Variants in PIP5K1B observed in about 807,000 individuals in gnomAD.
The protein encoded by PIP5K1B is phosphatidylinositol-4-phosphate 5-kinase type 1 beta, also known as phosphatidylinositol 4-phosphate 5-kinase type-1 beta.
Under a neutral mutation model 67.0 loss-of-function variants are expected in PIP5K1B, and 42 were observed. The observed-to-expected ratio is 0.63, with a 90% confidence interval of 0.49 to 0.81. PIP5K1B has a LOEUF of 0.81. Ranked by LOEUF, PIP5K1B falls within the 30% of genes least tolerant of loss-of-function variation. PIP5K1B has a pLI of 0.00. For synonymous variants in PIP5K1B, 214 were observed against 231.4 expected (o/e 0.92, Z 0.68); for missense variants, 459 against 646.3 (o/e 0.71, Z 3.14).
chr9:68,771,070 C>T (rs1392734343), intron 2 of PIP5K1B, among the ~76,000 whole-genome samples: 2 of 152,152 alleles, frequency 1.3e-5, no homozygotes, highest in Non-Finnish European at 2.9e-5. Flanking sequence ...CATTAGGGAG[C>T]AATCCTTACA....
intron 14 of PIP5K1B, among the ~76,000 whole-genome samples, chr9:68,987,842 C>T (rs1381677444): frequency 1.3e-5 from 2 of 152,150 alleles, no homozygotes; most frequent in Admixed American, 1.3e-4. Flanking sequence ...ACCATGAGAA[C>T]AGCACGGGGG....
At chr9:68,985,803 G>A (rs1043496743) in intron 14 of PIP5K1B, among the ~76,000 whole-genome samples, 14 of 152,214 alleles carry the variant, frequency 9.2e-5, no homozygotes, top group South Asian at 6.2e-4. Flanking sequence ...ACATGAGTCT[G>A]CTTTTCTGTC....
chr9:68,870,113 C>T (rs746870659), intron 5 of PIP5K1B, among the ~76,000 whole-genome samples: 6 of 152,228 alleles, frequency 3.9e-5, no homozygotes, highest in Non-Finnish European at 7.3e-5. Context: ...ATTGCATGCA[C>T]TGGATATTAT....
rs111612731 is a variant in PIP5K1B at position 69,000,211 on chromosome 9, A to G, written c.1621-8236A>G. On this transcript the variant is annotated intron_variant, in intron 15 of 15. Coordinates refer to ENST00000265382, the MANE Select transcript of PIP5K1B (RefSeq NM_003558.4). ...TTCTACTGTTTAGGCAGCAATTTTA[A>G]CAAAGTATCAACAAATCTGGGGTGG... Among the ~76,000 whole-genome samples, 1,125 of 152,284 alleles carry G rather than the reference A, an allele frequency of 7.4e-3. 10 individuals carry two copies. Among genetic ancestry groups the G allele is most frequent in the African/African-American group, 0.026 (1,068 of 41,540 alleles).
At chr9:68,896,179 G>A (rs1176064947) in intron 8 of PIP5K1B, among the ~76,000 whole-genome samples, 2 of 152,162 alleles carry the variant, frequency 1.3e-5, no homozygotes, top group Non-Finnish European at 1.5e-5. Flanking sequence ...TCTTTTTCCT[G>A]TGTTTTTTCT....
intron 12 of PIP5K1B, among the ~76,000 whole-genome samples, chr9:68,925,976 A>G (rs966751021): frequency 2.0e-5 from 3 of 151,318 alleles, no homozygotes; most frequent in African/African-American, 4.9e-5. Context: ...TTTTGCTTTT[A>G]GTAAAGATGG....
At chr9:68,820,374 A>G (rs1833676449) in intron 3 of PIP5K1B, among the ~76,000 whole-genome samples, 1 of 152,220 alleles carries the variant, frequency 6.6e-6, no homozygotes, top group Non-Finnish European at 1.5e-5. Context: ...CTGTCCTGGA[A>G]GACTCTATTC....
At chr9:68,722,997 C>T (rs1407034622) in intron 1 of PIP5K1B, among the ~76,000 whole-genome samples, 2 of 152,182 alleles carry the variant, frequency 1.3e-5, no homozygotes, top group Non-Finnish European at 2.9e-5. Flanking sequence ...TTATTCTCTA[C>T]CTCCATGAAA....
intron 14 of PIP5K1B, among the ~76,000 whole-genome samples, chr9:68,942,264 A>C (rs1222487949): frequency 6.6e-6 from 1 of 152,216 alleles, no homozygotes; most frequent in Admixed American, 6.5e-5. Flanking sequence ...TATAAATAGC[A>C]GCTCAAAAGA....
At position 68,748,938 on chromosome 9, in the gene PIP5K1B, T is replaced by C. The variant is rs548535783; in HGVS notation, c.-86+6281T>C. The stretch of plus-strand genomic sequence containing the variant: ...GGTTTCAGATCTTTTCTCCAGCCTC[T>C]GTAGGTGACAATGTATAAAGAAAAA... On this transcript the variant is annotated intron_variant, in intron 2 of 15. Coordinates refer to ENST00000265382, the MANE Select transcript of PIP5K1B (RefSeq NM_003558.4). 3.9e-5 allele frequency among the ~76,000 whole-genome samples: 6 copies of C among 152,260 alleles called. No homozygotes were observed. The South Asian group carries it at 1.0e-3, about 26-fold the overall frequency.
intron 8 of PIP5K1B, among the ~76,000 whole-genome samples, chr9:68,907,648 G>A (rs976313894): frequency 6.6e-6 from 1 of 152,076 alleles, no homozygotes; most frequent in Non-Finnish European, 1.5e-5. Flanking sequence ...CAATCCTAGA[G>A]CATGGATCAG....
At chr9:68,852,553 C>T (rs956082061) in intron 4 of PIP5K1B, among the ~76,000 whole-genome samples, 5 of 152,154 alleles carry the variant, frequency 3.3e-5, no homozygotes, top group Admixed American at 6.5e-5. Flanking sequence ...CATGGTGTCC[C>T]ATTGGCCAAA....
chr9:68,899,084 C>G (rs1428304045), intron 8 of PIP5K1B, among the ~76,000 whole-genome samples: 1 of 152,204 alleles, frequency 6.6e-6, no homozygotes, highest in Non-Finnish European at 1.5e-5. Context: ...TCTCTCTCCC[C>G]TCTCCTCTGA....
chr9:68,905,783 G>T (rs1825579492), intron 8 of PIP5K1B, among the ~76,000 whole-genome samples: 1 of 152,162 alleles, frequency 6.6e-6, no homozygotes, highest in South Asian at 2.1e-4. Context: ...CGATGGTGCT[G>T]TAGGACCAGG....
At chr9:68,708,540 C>T (rs988295981) in intron 1 of PIP5K1B, among the ~76,000 whole-genome samples, 2 of 72,934 alleles carry the variant, frequency 2.7e-5, no homozygotes, top group Non-Finnish European at 5.4e-5. Context: ...TTTTGTTTGC[C>T]GCCCCCCCGC....
intron 2 of PIP5K1B, among the ~76,000 whole-genome samples, chr9:68,770,330 A>G (rs1830617530): frequency 6.6e-6 from 1 of 152,166 alleles, no homozygotes; most frequent in Admixed American, 6.5e-5. Flanking sequence ...CAAGTTTAAA[A>G]TCTCAGCTCC....
chr9:68,940,915 G>A, intron 14 of PIP5K1B, 125 bp downstream of exon 14: 1 of 874,806 alleles, frequency 1.1e-6, no homozygotes, highest in Middle Eastern at 2.3e-4. Flanking sequence ...TGCCTCATAG[G>A]TCGGAGAGAG....
Position 68,903,593 on chromosome 9 carries a change from G to A in PIP5K1B, c.771+8955G>A, listed in dbSNP as rs542124640. On this transcript the variant is annotated intron_variant, in intron 8 of 15. Coordinates refer to ENST00000265382, the MANE Select transcript of PIP5K1B (RefSeq NM_003558.4). ...GCTGGTGTTTGTCTAGGCTTTTGCC[G>A]CTTGCTGCAGCTTAGTTCTGCTGAA... Among the ~76,000 whole-genome samples, 3 of 152,248 alleles carry A rather than the reference G, an allele frequency of 2.0e-5. No individual in the cohort carries two copies. In the East Asian group the frequency reaches 5.8e-4, roughly 29 times the overall value.
At chr9:68,783,412 C>G (rs1831416539) in intron 2 of PIP5K1B, 1 of 166,926 alleles carries the variant, frequency 6.0e-6, no homozygotes, top group South Asian at 2.1e-4. Flanking sequence ...AGTATGAAGG[C>G]AATGTATACC....
Sources: allele counts gnomAD v4.1 joint callset (sites outside exome capture counted in the v4.1 genomes callset), GRCh38; gene constraint gnomAD v4.1.1; transcripts MANE v1.5; gene names NCBI Gene and HGNC (gene_info 2026-07-23, HGNC 2026-07-21).